Variants in TMEM87A observed in about 807,000 individuals in gnomAD.
TMEM87A encodes the protein Golgi-pH regulating cation channel.
A neutral mutation model predicts 90.0 loss-of-function variants in TMEM87A; 50 were observed. The ratio of observed to expected loss-of-function variants is 0.56; its 90% CI spans 0.44 to 0.70. The LOEUF (loss-of-function observed/expected upper bound fraction) is 0.70, where lower values mean the gene tolerates loss of function less well. TMEM87A is among the 30% of genes least tolerant of loss of function. The pLI is 0.00. For missense variants in TMEM87A, 577 were observed against 660.5 expected (o/e 0.87, Z 1.39); for synonymous variants, 226 against 226.7 (o/e 1.00, Z 0.03).
chr15:42,211,784 T>C, intron 19 of TMEM87A, 35 bp from the exon 20 acceptor site: 1 of 1,589,796 alleles, frequency 6.3e-7, no homozygotes. Context: ...GTATATTAGG[T>C]TAAAATGATC....
intron 13 of TMEM87A, 104 bp downstream of exon 13, chr15:42,228,608 T>C: frequency 1.1e-6 from 1 of 895,700 alleles, no homozygotes; most frequent in Non-Finnish European, 1.8e-6. Flanking sequence ...CTTTTCCAAG[T>C]GAAATATACA....
intron 16 of TMEM87A, among the ~76,000 whole-genome samples, 160 bp downstream of exon 16, chr15:42,219,901 GA>G (rs2050443849): frequency 6.6e-6 from 1 of 152,098 alleles, no homozygotes; most frequent in African/African-American, 2.4e-5. Context: ...ATTACTTACT[GA>G]ATTTACCATG....
intron 6 of TMEM87A, among the ~76,000 whole-genome samples, chr15:42,250,951 T>A (rs1326926353): frequency 2.0e-5 from 3 of 152,360 alleles, no homozygotes; most frequent in Middle Eastern, 6.8e-3. Context: ...TTACTCTTTT[T>A]TTCTCTAAAC....
intron 11 of TMEM87A, chr15:42,231,955 G>C: frequency 8.6e-7 from 1 of 1,163,934 alleles, no homozygotes; most frequent in Non-Finnish European, 1.1e-6. Context: ...AATTGACAGA[G>C]GGTTAAAGTT....
At chr15:42,269,602 A>C (rs541690596) in intron 2 of TMEM87A, among the ~76,000 whole-genome samples, 75 of 152,222 alleles carry the variant, frequency 4.9e-4, no homozygotes, top group Non-Finnish European at 1.1e-3. Context: ...ACTGCTGTTT[A>C]TGTTACAAGA....
At chr15:42,226,022 A>G (rs1479105815) in intron 15 of TMEM87A, among the ~76,000 whole-genome samples, 1 of 151,112 alleles carries the variant, frequency 6.6e-6, no homozygotes, top group East Asian at 1.9e-4. Context: ...TTTTTTTTTG[A>G]GAGGGAGTCT....
At position 42,232,924 on chromosome 15, in the gene TMEM87A, T is replaced by C. The variant is rs77043104; in HGVS notation, c.1062+289A>G. On this transcript the variant is annotated intron_variant, in intron 11 of 19. Transcript: ENST00000389834. ...AGTCTGGATTTCAGTCTGGATTCCA[T>C]TGATTAGAAAAAGAAAAAAAAATGC... 3.1e-5 allele frequency: 6 copies of C among 195,958 alleles called. No homozygotes were observed. The East Asian group carries it at 5.0e-4, about 16-fold the overall frequency. The allele number at this position is 195,958 out of a possible 1,614,324, so 12.1% of individuals were successfully genotyped here.
intron 6 of TMEM87A, among the ~76,000 whole-genome samples, chr15:42,251,584 A>G (rs1228672403): frequency 6.6e-6 from 1 of 152,228 alleles, no homozygotes; most frequent in African/African-American, 2.4e-5. Flanking sequence ...GCTGCAGAAC[A>G]GCAAATATTG....
rs190241580 is a variant in TMEM87A at position 42,211,603 on chromosome 15, G to C, written c.*105C>G. ...GCCCAAAGATCAAGGAACAGATCAG[G>C]ATGTCATTGCTTCCTTTAATCCCAT... is the stretch of plus-strand genomic sequence containing the variant. On this transcript the variant is annotated 3_prime_UTR_variant, in exon 20 of 20. Coordinates refer to ENST00000389834, the MANE Select transcript of TMEM87A (RefSeq NM_015497.5). 17 of 1,123,084 alleles carry C rather than the reference G, an allele frequency of 1.5e-5. No homozygotes were observed. The Admixed American group carries it at 3.6e-4, about 24-fold the overall frequency. 69.6% of individuals were successfully genotyped at this position (1,123,084 alleles called of 1,614,324 possible).
intron 19 of TMEM87A, among the ~76,000 whole-genome samples, chr15:42,215,201 A>G (rs2050360571): frequency 6.6e-6 from 1 of 152,240 alleles, no homozygotes; most frequent in Admixed American, 6.5e-5. Context: ...GAAAAGGTAC[A>G]GTAAAAATTC....
intron 13 of TMEM87A, 116 bp from the exon 14 acceptor site, chr15:42,227,885 C>T: frequency 1.3e-6 from 1 of 788,682 alleles, no homozygotes; most frequent in Non-Finnish European, 2.2e-6. Context: ...AAATACATCA[C>T]AACTCTATCA....
chr15:42,234,601 A>G (rs192633904), intron 10 of TMEM87A, among the ~76,000 whole-genome samples: 2 of 152,346 alleles, frequency 1.3e-5, no homozygotes, highest in East Asian at 3.9e-4. Context: ...ACTTAAAACA[A>G]CTAACCTTAA....
intron 6 of TMEM87A, among the ~76,000 whole-genome samples, chr15:42,252,921 C>A (rs1429229388): frequency 2.0e-5 from 3 of 152,148 alleles, no homozygotes; most frequent in African/African-American, 7.2e-5. Context: ...CAATCTGCCC[C>A]CTCCTTGGGG....
intron 10 of TMEM87A, among the ~76,000 whole-genome samples, chr15:42,235,285 C>T (rs745671289): frequency 3.3e-5 from 5 of 152,194 alleles, no homozygotes; most frequent in African/African-American, 9.7e-5. Context: ...GCAATCTGCC[C>T]GCCTTGGCCT....
intron 7 of TMEM87A, 35 bp from the exon 8 acceptor site, chr15:42,239,766 G>A (rs755707399): frequency 1.5e-5 from 23 of 1,575,302 alleles, no homozygotes; most frequent in Non-Finnish European, 1.9e-5. Context: ...TAATTTACAG[G>A]ATGCAGAAAT....
chr15:42,222,196 T>C (rs1414971401), intron 15 of TMEM87A, among the ~76,000 whole-genome samples: 1 of 152,122 alleles, frequency 6.6e-6, no homozygotes, highest in African/African-American at 2.4e-5. Flanking sequence ...ATAGCTGGGA[T>C]TACAGGCATG....
chr15:42,221,849 C>T (rs2050492253), intron 15 of TMEM87A, among the ~76,000 whole-genome samples: 1 of 152,190 alleles, frequency 6.6e-6, no homozygotes, highest in African/African-American at 2.4e-5. Flanking sequence ...ATCCCAGGTT[C>T]AAGTGATCCT....
At chr15:42,258,880 A>G in intron 6 of TMEM87A, 1 of 1,516,434 alleles carries the variant, frequency 6.6e-7, no homozygotes, top group East Asian at 2.5e-5. Flanking sequence ...CTCATCCATA[A>G]AAGCAACGAA....
At chr15:42,231,392 C>T (rs1287690006) in intron 11 of TMEM87A, 132 bp from the exon 12 acceptor site, 16 of 587,022 alleles carry the variant, frequency 2.7e-5, no homozygotes, top group Middle Eastern at 2.6e-4. Context: ...ATAAAAAGAA[C>T]ATTTGACACC....
Sources: allele counts gnomAD v4.1 joint callset (sites outside exome capture counted in the v4.1 genomes callset), GRCh38; gene constraint gnomAD v4.1.1; transcripts MANE v1.5; gene names NCBI Gene and HGNC (gene_info 2026-07-23, HGNC 2026-07-21).